DDX21: variants seen among roughly 807,000 people sequenced by gnomAD.
The protein encoded by DDX21 is DExD-box helicase 21, also known as nucleolar RNA helicase 2.
DDX21 carries 18 observed loss-of-function variants against 90.0 expected under a neutral mutation model. The ratio of observed to expected loss-of-function variants is 0.20; its 90% CI spans 0.14 to 0.30. The LOEUF is 0.30. DDX21 is among the 10% of genes least tolerant of loss of function. The pLI, the probability that DDX21 is intolerant of heterozygous loss-of-function variation, is 1.00. For missense variants in DDX21, 673 were observed against 944.5 expected, an observed-to-expected ratio of 0.71 and a Z score of 3.77; for synonymous variants, 294 against 318.0, an observed-to-expected ratio of 0.92 and a Z score of 0.80.
rs1398599665 is a variant in DDX21 at position 68,958,868 on chromosome 10, C to T, written c.88-938C>T. On this transcript the variant is annotated intron_variant, in intron 1 of 14. Coordinates refer to ENST00000354185, the MANE Select transcript of DDX21 (RefSeq NM_004728.4). ...GAGATTACAGGCATGAACCACTGCA[C>T]CTGGCCCTAAACTGTCTTTGTATAA... 2.6e-5 allele frequency among the ~76,000 whole-genome samples: 4 copies of T among 152,316 alleles called. No homozygotes were observed. In the East Asian group the frequency reaches 5.8e-4, roughly 22 times the overall value.
rs1435611085 is a variant in DDX21 at position 68,977,701 on chromosome 10, A to G, written c.1902+13A>G. ...CAACTCAAATGTGGTAAGGTTCTGCAGCACATTCCTGACACTTCATAATTT... is the reference window on the plus strand; with the variant it reads ...CAACTCAAATGTGGTAAGGTTCTGCGGCACATTCCTGACACTTCATAATTT... On this transcript the variant is annotated intron_variant, in intron 12 of 14. Transcript: ENST00000354185. 6.9e-6 allele frequency: 11 copies of G among 1,601,052 alleles called. No homozygotes were observed. The highest frequency in any genetic ancestry group is 1.3e-5 in the African/African-American group (1 of 74,610).
chr10:68,964,101 GAAA>G (rs750726882), intron 4 of DDX21: 501 of 235,050 alleles, frequency 2.1e-3, no homozygotes, highest in Middle Eastern at 3.1e-3. Flanking sequence ...TCCGTCTCAA[GAAA>G]AAAAAAAAAA....
At position 68,960,198 on chromosome 10, in the gene DDX21, C is replaced by G. The variant is rs1322015050; in HGVS notation, c.480C>G (p.Asp160Glu). 2 of 1,610,670 alleles carry G rather than the reference C, an allele frequency of 1.2e-6. No individual in the cohort carries two copies. The highest frequency in any genetic ancestry group is 1.7e-6 in the Non-Finnish European group (2 of 1,179,234). ...LKNGFPHPEP[D>E]CNPSEAASEE... ...ATGGATTTCCTCATCCTGAACCGGA[C>G]TGTAACCCCAGTGAAGCTGCCAGTG... The change falls in exon 2 of 15, where the codon GAC (aspartate) becomes GAG (glutamate). Residue 160 changes from aspartate (D) to glutamate (E), a missense_variant. Around this residue, in one of 4 missense-constraint regions of DDX21, gnomAD observed 204 missense variants for 221.6 expected, o/e 0.92. Transcript: ENST00000354185.
rs780836636 is a variant in DDX21 at position 68,956,319 on chromosome 10, C to T, written c.87+7C>T. On this transcript the variant is annotated splice_region_variant and intron_variant, in intron 1 of 14. Transcript: ENST00000354185. ...GCGAAAGCAAACCGAGGAGGTGAAA[C>T]GGAGGGACCTGGGGCCAGGAGGGAC... is the stretch of plus-strand genomic sequence containing the variant. 6 of 1,614,024 alleles carry T rather than the reference C, an allele frequency of 3.7e-6. No individual in the cohort carries two copies. Among genetic ancestry groups the T allele is most frequent in the Admixed American group, 1.7e-5 (1 of 60,008 alleles).
chr10:68,968,913 T>C, intron 6 of DDX21, 63 bp from the exon 7 acceptor site: 2 of 1,563,258 alleles, frequency 1.3e-6, no homozygotes, highest in Admixed American at 3.7e-5. Context: ...TTAGGTTAGG[T>C]GGAATACTAT....
chr10:68,965,451 G>A lies in DDX21; in HGVS notation c.861G>A (p.Leu287=). Residue 287 remains leucine (L), a synonymous_variant, in exon 5 of 15, where the codon CTG becomes CTA. Transcript: ENST00000354185. ...SKDFSDITKK[L]SVACFYGGTP... ...ACTTCAGTGACATCACAAAAAAGCTGTCAGTGGCTTGTTTTTATGGTGGAA... is the reference window on the plus strand; with the variant it reads ...ACTTCAGTGACATCACAAAAAAGCTATCAGTGGCTTGTTTTTATGGTGGAA... The A allele has an allele frequency of 6.2e-7, 1 of 1,613,950 alleles. No individual in the cohort carries two copies. The highest frequency in any genetic ancestry group is 8.5e-7 in the Non-Finnish European group (1 of 1,179,972).
chr10:68,977,152 T>G (rs1843113322), intron 11 of DDX21, among the ~76,000 whole-genome samples: 1 of 152,218 alleles, frequency 6.6e-6, no homozygotes, highest in Non-Finnish European at 1.5e-5. Context: ...ATAAAAACTC[T>G]TGACATAATT....
At chr10:68,981,983 C>T (rs1258254351) in intron 14 of DDX21, among the ~76,000 whole-genome samples, 1 of 152,142 alleles carries the variant, frequency 6.6e-6, no homozygotes, top group African/African-American at 2.4e-5. Flanking sequence ...AAGCGATTCT[C>T]TTGCCTCAGC....
intron 4 of DDX21, among the ~76,000 whole-genome samples, chr10:68,964,312 C>T (rs558424370): frequency 1.2e-4 from 19 of 152,166 alleles, no homozygotes; most frequent in African/African-American, 1.9e-4. Flanking sequence ...CCTAACCTCA[C>T]TTGCTCACTG....
intron 9 of DDX21, among the ~76,000 whole-genome samples, chr10:68,972,387 A>G (rs1451721110): frequency 6.6e-6 from 1 of 152,146 alleles, no homozygotes; most frequent in African/African-American, 2.4e-5. Flanking sequence ...GGGGAGAGAA[A>G]GGGCCTGTAA....
intron 8 of DDX21, 95 bp downstream of exon 8, chr10:68,970,445 G>C (rs905082017): frequency 8.5e-7 from 1 of 1,177,440 alleles, no homozygotes; most frequent in African/African-American, 1.6e-5. Flanking sequence ...TTCATTCAGT[G>C]AATACCAGTT....
At chr10:68,972,108 A>C (rs371009081) in intron 9 of DDX21, 56 bp downstream of exon 9, 25 of 1,546,842 alleles carry the variant, frequency 1.6e-5, no homozygotes, top group Middle Eastern at 3.5e-4. Flanking sequence ...GTATTAAAAC[A>C]AATTGGAAAT....
intron 8 of DDX21, among the ~76,000 whole-genome samples, chr10:68,970,974 T>TC (rs1843018319): frequency 7.0e-6 from 1 of 143,774 alleles, no homozygotes; most frequent in African/African-American, 2.6e-5. Flanking sequence ...TTTTTTTTTT[T>TC]TTTTTTTTTG....
chr10:68,982,627 G>A lies in DDX21; in HGVS notation c.2167G>A (p.Gly723Ser), dbSNP rs1453263174. The A allele has an allele frequency of 3.7e-6, 6 of 1,613,316 alleles. No individual in the cohort carries two copies. Among genetic ancestry groups the A allele is most frequent in the Non-Finnish European group, 4.2e-6 (5 of 1,179,688 alleles). Residue 723 changes from glycine (G) to serine (S), a missense_variant, in exon 15 of 15, where the codon GGC (glycine) becomes AGC (serine). Around this residue, in one of 4 missense-constraint regions of DDX21, gnomAD observed 225 missense variants for 298.8 expected, o/e 0.75. Coordinates refer to ENST00000354185, the MANE Select transcript of DDX21 (RefSeq NM_004728.4). ...GGAAGGACCACGGGAAGGATATGGA[G>A]GCTTCAGGGGACAGCGGGAAGGCAG... ...ELEGPREGYGGFRGQREGSRG... is the reference protein window; with the variant it reads ...ELEGPREGYGSFRGQREGSRG...
intron 8 of DDX21, among the ~76,000 whole-genome samples, chr10:68,971,530 G>A (rs74139951): frequency 6.6e-6 from 1 of 152,020 alleles, no homozygotes; most frequent in Admixed American, 6.6e-5. Flanking sequence ...ACTGCACCTG[G>A]CCTCACTTCT....
intron 2 of DDX21, among the ~76,000 whole-genome samples, chr10:68,960,508 C>G (rs756974381): frequency 6.6e-6 from 1 of 152,056 alleles, no homozygotes. Flanking sequence ...GTCACCTAGG[C>G]TGGAGTACAG....
rs1267981992 is a variant in DDX21, at chr10:68,984,473, A to G, written c.*1661A>G. On this transcript the variant is annotated 3_prime_UTR_variant, in exon 15 of 15. Transcript: ENST00000354185. ...GCTTTTATTCCTTGATCCACTTGCC[A>G]GTTTTATCACTTTACCCTTGTTCCT... is the stretch of plus-strand genomic sequence containing the variant. 6.6e-6 allele frequency: 1 copy of G among 152,196 alleles called. No individual in the cohort carries two copies. The highest frequency in any genetic ancestry group is 2.4e-5 in the African/African-American group (1 of 41,446). The allele number at this position is 152,196 out of a possible 1,614,324, so 9.4% of individuals were successfully genotyped here.
At chr10:68,957,158 AGTTT>A in intron 1 of DDX21, among the ~76,000 whole-genome samples, 1 of 152,230 alleles carries the variant, frequency 6.6e-6, no homozygotes, top group East Asian at 1.9e-4. Flanking sequence ...AGGGAAGTAG[AGTTT>A]GTTTTCCGGT....
In DDX21 at chr10:68,960,257, T is replaced by C. The variant is rs761671310; in HGVS notation, c.531+8T>C. The C allele has an allele frequency of 6.3e-7, 1 of 1,586,444 alleles. No homozygotes were observed. The highest frequency in any genetic ancestry group is 8.5e-7 in the Non-Finnish European group (1 of 1,171,252). ...AACAGTGAGATAGAGCAGGTACATT[T>C]GCACTTCATTGGGTAGAAGATATCT... On this transcript the variant is annotated splice_region_variant and intron_variant, in intron 2 of 14. Coordinates refer to ENST00000354185, the MANE Select transcript of DDX21 (RefSeq NM_004728.4).
Sources: gnomAD v4.1 joint callset for allele counts (sites outside exome capture counted in the v4.1 genomes callset) on GRCh38, gnomAD v4.1.1 for gene constraint, gnomAD v4.1.1 regional missense constraint, MANE v1.5 for transcripts, NCBI Gene and HGNC (gene_info 2026-07-23, HGNC 2026-07-21) for gene names.